Variants in RPS6KA5 observed in about 807,000 individuals in gnomAD.
The protein encoded by RPS6KA5 is ribosomal protein S6 kinase A5.
Under a neutral mutation model 85.5 loss-of-function variants are expected in RPS6KA5, and 27 were observed. That is an observed-to-expected ratio of 0.32 (90% CI 0.23 to 0.44). The LOEUF (loss-of-function observed/expected upper bound fraction) is 0.44, where lower values mean the gene tolerates loss of function less well. Ranked by LOEUF, RPS6KA5 falls within the 20% of genes least tolerant of loss-of-function variation. The probability of loss-of-function intolerance (pLI) is 1.00; values close to 1 mark genes in which losing one functional copy is unlikely to be tolerated. For synonymous variants in RPS6KA5, 334 were observed against 348.2 expected, an observed-to-expected ratio of 0.96 and a Z score of 0.46; for missense variants, 811 against 980.9, an observed-to-expected ratio of 0.83 and a Z score of 2.31.
chr14:90,987,604 G>A (rs918827438), intron 2 of RPS6KA5, among the ~76,000 whole-genome samples: 1 of 152,130 alleles, frequency 6.6e-6, no homozygotes, highest in Non-Finnish European at 1.5e-5. Context: ...TGAAGGCTGG[G>A]GAAAGCAGCC....
intron 2 of RPS6KA5, among the ~76,000 whole-genome samples, chr14:90,994,051 C>A (rs1466475934): frequency 2.0e-5 from 3 of 152,044 alleles, no homozygotes; most frequent in Admixed American, 2.0e-4. Flanking sequence ...CACCACCATG[C>A]CCAGCTAAGT....
At position 90,957,483 on chromosome 14, in the gene RPS6KA5, C is replaced by T. The variant is rs1309430718; in HGVS notation, c.395-9933G>A. On this transcript the variant is annotated intron_variant, in intron 3 of 16. Transcript: ENST00000614987. ...CTCAGAGAGCAGAACCTTGGGCATT[C>T]GAACAATGGTTCTAGCAGGGCTCTC... Among the ~76,000 whole-genome samples the T allele has an allele frequency of 3.9e-5, 6 of 152,186 alleles. No homozygotes were observed. The South Asian group carries it at 1.0e-3, about 26-fold the overall frequency.
chr14:90,868,644 G>T lies in RPS6KA5; in HGVS notation c.*3430C>A, dbSNP rs1247703262. On this transcript the variant is annotated 3_prime_UTR_variant, in exon 17 of 17. Coordinates refer to ENST00000614987, the MANE Select transcript of RPS6KA5 (RefSeq NM_004755.4). ...AGGCACATATAGACCCAATAATTTA[G>T]AAATTTTCACCATTATGAGGTACCC... The T allele has an allele frequency of 6.6e-6, 1 of 152,098 alleles. No homozygotes were observed. Among genetic ancestry groups the T allele is most frequent in the Non-Finnish European group, 1.5e-5 (1 of 68,010 alleles). The allele number at this position is 152,098 out of a possible 1,614,324, so 9.4% of individuals were successfully genotyped here.
At position 90,858,774 on chromosome 14, in the gene RPS6KA5, GGCAC is replaced by G. The variant is rs1281179526; in HGVS notation, c.*13296_*13299del. ...GTGTTCATTTTGATTACTTCTTCAA[GGCAC>G]TGCAAATTCACAACACAGGGAAATA... On this transcript the variant is annotated 3_prime_UTR_variant, in exon 17 of 17. Coordinates refer to ENST00000614987, the MANE Select transcript of RPS6KA5 (RefSeq NM_004755.4). 6.6e-6 allele frequency: 1 copy of G among 152,158 alleles called. No homozygotes were observed. The highest frequency in any genetic ancestry group is 1.5e-5 in the Non-Finnish European group (1 of 68,042). 9.4% of individuals were successfully genotyped at this position (152,158 alleles called of 1,614,324 possible). A position where few individuals can be genotyped will look rare whatever the true frequency, so the allele number is the denominator to read the frequency against.
intron 1 of RPS6KA5, among the ~76,000 whole-genome samples, chr14:91,048,743 T>C (rs945797894): frequency 1.3e-5 from 2 of 152,248 alleles, no homozygotes; most frequent in African/African-American, 2.4e-5. Flanking sequence ...CTGTAAATCA[T>C]GATGGGAGCT....
At chr14:90,975,556 T>A (rs551957969) in intron 3 of RPS6KA5, among the ~76,000 whole-genome samples, 4 of 152,270 alleles carry the variant, frequency 2.6e-5, no homozygotes, top group African/African-American at 7.2e-5. Flanking sequence ...ACAGTGGCCA[T>A]CTGCAAGCCA....
intron 14 of RPS6KA5, among the ~76,000 whole-genome samples, chr14:90,875,758 T>C (rs1438105034): frequency 6.6e-6 from 1 of 151,660 alleles, no homozygotes; most frequent in Non-Finnish European, 1.5e-5. Flanking sequence ...TGTAGGGACA[T>C]GGATGAAGCT....
intron 1 of RPS6KA5, among the ~76,000 whole-genome samples, chr14:91,046,719 C>T (rs2042890354): frequency 6.6e-6 from 1 of 152,160 alleles, no homozygotes. Flanking sequence ...ATTCTCCACC[C>T]TTTTACCTCT....
chr14:90,909,017 G>A (rs2035660780), intron 7 of RPS6KA5, among the ~76,000 whole-genome samples: 2 of 152,196 alleles, frequency 1.3e-5, no homozygotes, highest in Non-Finnish European at 1.5e-5. Context: ...CTGTAATGTC[G>A]ATACACTGTT....
intron 14 of RPS6KA5, among the ~76,000 whole-genome samples, chr14:90,887,626 T>C (rs1390591804): frequency 2.0e-5 from 3 of 151,906 alleles, no homozygotes; most frequent in Non-Finnish European, 4.4e-5. Flanking sequence ...ATAAATTAGA[T>C]CTATATGAAT....
intron 3 of RPS6KA5, among the ~76,000 whole-genome samples, chr14:90,952,649 T>G (rs530542332): frequency 2.6e-5 from 4 of 152,264 alleles, no homozygotes; most frequent in Non-Finnish European, 5.9e-5. Flanking sequence ...GTCTGTTATT[T>G]GGCTTGGGGA....
At position 91,032,535 on chromosome 14, in the gene RPS6KA5, C is replaced by T. The variant is rs115384684; in HGVS notation, c.103+27797G>A. ...ATCAATTAAAAAAAAACTATAATAC[C>T]TAACTATGCACTACAGCCAAAATGT... On this transcript the variant is annotated intron_variant, in intron 1 of 16. Coordinates refer to ENST00000614987, the MANE Select transcript of RPS6KA5 (RefSeq NM_004755.4). Among the ~76,000 whole-genome samples the T allele has an allele frequency of 7.5e-3, 1,137 of 152,196 alleles. 10 individuals carry two copies. Among genetic ancestry groups the T allele is most frequent in the Middle Eastern group, 0.024 (7 of 294 alleles).
At chr14:91,026,336 T>C (rs1283961658) in intron 1 of RPS6KA5, among the ~76,000 whole-genome samples, 1 of 152,112 alleles carries the variant, frequency 6.6e-6, no homozygotes, top group Non-Finnish European at 1.5e-5. Flanking sequence ...GCTCAAGCGA[T>C]CCTCTCACCT....
chr14:90,953,613 G>A (rs114735339), intron 3 of RPS6KA5, among the ~76,000 whole-genome samples: 2,708 of 152,232 alleles, frequency 0.018, 71 homozygotes, highest in African/African-American at 0.063. Flanking sequence ...GGACAATATC[G>A]CTAAATTCTT....
chr14:90,957,830 T>C (rs1350953264), intron 3 of RPS6KA5, among the ~76,000 whole-genome samples: 1 of 151,966 alleles, frequency 6.6e-6, no homozygotes, highest in African/African-American at 2.4e-5. Flanking sequence ...TTTTTTTTTT[T>C]TCCTTTTTCC....
chr14:90,901,086 A>G lies in RPS6KA5; in HGVS notation c.1120-350T>C, dbSNP rs115047830. ...CATAACTAACTTCTCAAAAAAGGAT[A>G]CAGTCAAGGTATTAAACAAAGTGGT... is the stretch of plus-strand genomic sequence containing the variant. On this transcript the variant is annotated intron_variant, in intron 9 of 16. Coordinates refer to ENST00000614987, the MANE Select transcript of RPS6KA5 (RefSeq NM_004755.4). Among the ~76,000 whole-genome samples the G allele has an allele frequency of 8.1e-3, 1,236 of 152,320 alleles. 19 individuals are homozygous for G. Among genetic ancestry groups the G allele is most frequent in the African/African-American group, 0.029 (1,187 of 41,558 alleles).
At chr14:91,040,344 G>A (rs529461787) in intron 1 of RPS6KA5, among the ~76,000 whole-genome samples, 1 of 152,318 alleles carries the variant, frequency 6.6e-6, no homozygotes, top group East Asian at 1.9e-4. Context: ...AGAGGTGGAG[G>A]TTCCAGTGAG....
At chr14:90,997,130 A>G (rs1015503761) in intron 2 of RPS6KA5, among the ~76,000 whole-genome samples, 9 of 152,234 alleles carry the variant, frequency 5.9e-5, no homozygotes, top group African/African-American at 2.2e-4. Context: ...CCTAACCTGT[A>G]GTAAAAAAGG....
chr14:91,046,507 A>C (rs990356520), intron 1 of RPS6KA5, among the ~76,000 whole-genome samples: 6 of 152,246 alleles, frequency 3.9e-5, no homozygotes, highest in African/African-American at 1.4e-4. Flanking sequence ...GTCTTCATGC[A>C]GCATCATATT....
Sources: gnomAD v4.1 joint callset for allele counts (sites outside exome capture counted in the v4.1 genomes callset) on GRCh38, gnomAD v4.1.1 for gene constraint, MANE v1.5 for transcripts, NCBI Gene and HGNC (gene_info 2026-07-23, HGNC 2026-07-21) for gene names.